Variants in HIPK3 observed in about 807,000 individuals in gnomAD.
The protein encoded by HIPK3 is homeodomain interacting protein kinase 3, also known as homeodomain-interacting protein kinase 3.
HIPK3 carries 47 observed loss-of-function variants against 124.2 expected under a neutral mutation model. That is an observed-to-expected ratio of 0.38 (90% CI 0.30 to 0.48). HIPK3 has a LOEUF of 0.48. Among genes scored for constraint, HIPK3 ranks in the 20% least tolerant of loss-of-function variants. The pLI is 0.98. For missense variants in HIPK3, 1,286 were observed against 1,454.3 expected (o/e 0.88, Z 1.88); for synonymous variants, 482 against 515.2 (o/e 0.94, Z 0.87).
chr11:33,314,794 T>C (rs1018944655), intron 2 of HIPK3, among the ~76,000 whole-genome samples: 2 of 152,244 alleles, frequency 1.3e-5, no homozygotes, highest in African/African-American at 4.8e-5. Context: ...TTGTCTGATC[T>C]AGCCTAAATA....
chr11:33,257,447 C>G lies in HIPK3; in HGVS notation c.-445C>G. 1 of 985,662 alleles carries G rather than the reference C, an allele frequency of 1.0e-6. No homozygotes were observed. The highest frequency in any genetic ancestry group is 1.2e-6 in the Non-Finnish European group (1 of 830,196). The allele number at this position is 985,662 out of a possible 1,614,324, so 61.1% of individuals were successfully genotyped here. The stretch of plus-strand genomic sequence containing the variant: ...CCTGAGGAGATCAAGCCGCAGGCCC[C>G]GCCGTCGCCACCACTCCCGCCAGTC... On this transcript the variant is annotated 5_prime_UTR_variant, in exon 1 of 17. Transcript: ENST00000303296.
intron 5 of HIPK3, 67 bp from the exon 6 acceptor site, chr11:33,339,283 C>T (rs928988242): frequency 2.1e-5 from 25 of 1,188,138 alleles, no homozygotes; most frequent in African/African-American, 1.5e-4. Context: ...TATTTTTTAA[C>T]GGTGGAATTT....
At chr11:33,314,667 C>T (rs1264124129) in intron 2 of HIPK3, among the ~76,000 whole-genome samples, 1 of 152,018 alleles carries the variant, frequency 6.6e-6, no homozygotes, top group African/African-American at 2.4e-5. Context: ...CACACACACA[C>T]ACAAAAACGA....
intron 1 of HIPK3, chr11:33,258,390 C>T (rs1850729790): frequency 2.0e-6 from 2 of 985,686 alleles, no homozygotes; most frequent in Non-Finnish European, 2.4e-6. Context: ...AGCCGATGGC[C>T]GCGTCCCGGG....
chr11:33,272,219 G>A (rs572554839), intron 1 of HIPK3, among the ~76,000 whole-genome samples: 1 of 152,194 alleles, frequency 6.6e-6, no homozygotes, highest in Admixed American at 6.5e-5. Flanking sequence ...CCAACATGGT[G>A]AAACCCCATC....
At chr11:33,274,177 G>A (rs1321615905) in intron 1 of HIPK3, among the ~76,000 whole-genome samples, 1 of 152,148 alleles carries the variant, frequency 6.6e-6, no homozygotes, top group Non-Finnish European at 1.5e-5. Context: ...ATTGCTGTCA[G>A]CAGTGGGCAT....
At chr11:33,297,204 C>T (rs1237427045) in intron 2 of HIPK3, among the ~76,000 whole-genome samples, 2 of 151,826 alleles carry the variant, frequency 1.3e-5, no homozygotes, top group Non-Finnish European at 2.9e-5. Flanking sequence ...ATCAATTCTC[C>T]TGCCTCAGCC....
At chr11:33,336,079 G>A (rs10160595) in intron 3 of HIPK3, among the ~76,000 whole-genome samples, 1,564 of 152,244 alleles carry the variant, frequency 0.01, 28 homozygotes, top group African/African-American at 0.036. Context: ...AATGAAAAGC[G>A]CAGTGGAGAA....
chr11:33,340,436 G>A (rs1426892774), intron 6 of HIPK3, among the ~76,000 whole-genome samples: 1 of 152,200 alleles, frequency 6.6e-6, no homozygotes, highest in East Asian at 1.9e-4. Context: ...GTAAATTTAA[G>A]TGACTTAAAA....
Position 33,311,671 on chromosome 11 carries a change from G to A in HIPK3, c.1098-16839G>A, listed in dbSNP as rs368180607. ...ACCTCCATTGATGCATTGCTATCAC[G>A]CAAAGTCAGAAAACACACCCTTTTT... On this transcript the variant is annotated intron_variant, in intron 2 of 16. Coordinates refer to ENST00000303296, the MANE Select transcript of HIPK3 (RefSeq NM_005734.5). 3.3e-5 allele frequency among the ~76,000 whole-genome samples: 5 copies of A among 151,978 alleles called. No homozygotes were observed. The East Asian group carries it at 5.8e-4, about 18-fold the overall frequency.
intron 3 of HIPK3, among the ~76,000 whole-genome samples, chr11:33,333,034 A>C (rs1415885920): frequency 6.6e-6 from 1 of 152,060 alleles, no homozygotes; most frequent in African/African-American, 2.4e-5. Flanking sequence ...TGTTGGGGGG[A>C]CAGCACCAAG....
At chr11:33,347,263 CT>C in intron 8 of HIPK3, 29 bp from the exon 9 acceptor site, 2 of 1,576,202 alleles carry the variant, frequency 1.3e-6, no homozygotes, top group Non-Finnish European at 8.6e-7. Context: ...AAGATTTTTT[CT>C]TTTATTTGAT....
chr11:33,270,665 T>C (rs1007434884), intron 1 of HIPK3, among the ~76,000 whole-genome samples: 1 of 152,104 alleles, frequency 6.6e-6, no homozygotes, highest in African/African-American at 2.4e-5. Context: ...ATAATAATAG[T>C]TGATTAGAGT....
At chr11:33,337,662 TTC>T (rs965606567) in intron 4 of HIPK3, among the ~76,000 whole-genome samples, 1 of 151,112 alleles carries the variant, frequency 6.6e-6, no homozygotes, top group African/African-American at 2.4e-5. Flanking sequence ...GGCCCCGTCC[TTC>T]TCTCTCTCTT....
chr11:33,304,169 G>C (rs1288909703), intron 2 of HIPK3, among the ~76,000 whole-genome samples: 2 of 152,118 alleles, frequency 1.3e-5, no homozygotes, highest in African/African-American at 2.4e-5. Flanking sequence ...TCCATCTCCT[G>C]ACCTCGTGAT....
intron 2 of HIPK3, among the ~76,000 whole-genome samples, chr11:33,298,947 G>GGTT (rs1851915104): frequency 6.6e-6 from 1 of 151,864 alleles, no homozygotes; most frequent in Non-Finnish European, 1.5e-5. Context: ...CCTGGGTTCA[G>GGTT]GCAATTCTCC....
chr11:33,351,132 A>G (rs1478009079), intron 14 of HIPK3, among the ~76,000 whole-genome samples: 1 of 152,126 alleles, frequency 6.6e-6, no homozygotes, highest in Admixed American at 6.5e-5. Flanking sequence ...GTGTGGGGAT[A>G]CCTTTCAGAT....
At chr11:33,319,927 T>TAAAC (rs1852616436) in intron 2 of HIPK3, among the ~76,000 whole-genome samples, 1 of 152,238 alleles carries the variant, frequency 6.6e-6, no homozygotes. Context: ...GGTGAGGGTT[T>TAAAC]ACTCTTCTAT....
chr11:33,284,031 T>C (rs1218979352), intron 1 of HIPK3, among the ~76,000 whole-genome samples: 1 of 152,188 alleles, frequency 6.6e-6, no homozygotes, highest in Non-Finnish European at 1.5e-5. Flanking sequence ...AGATAAAATA[T>C]TGTAAATAAA....
Sources: gnomAD v4.1 joint callset for allele counts (sites outside exome capture counted in the v4.1 genomes callset) on GRCh38, gnomAD v4.1.1 for gene constraint, MANE v1.5 for transcripts, NCBI Gene and HGNC (gene_info 2026-07-23, HGNC 2026-07-21) for gene names.